The following CDK12 variants were observed in gnomAD, a reference collection of about 807,000 sequenced individuals.
CDK12 encodes the protein cyclin dependent kinase 12.
CDK12 carries 17 observed loss-of-function variants against 133.8 expected under a neutral mutation model. The observed-to-expected ratio is 0.13, with a 90% confidence interval of 0.09 to 0.19. The LOEUF (loss-of-function observed/expected upper bound fraction) is 0.19. CDK12 is among the 10% of genes least tolerant of loss of function. CDK12 has a pLI of 1.00. For missense variants in CDK12, 1,508 were observed against 1,818.7 expected (o/e 0.83, Z 3.11); for synonymous variants, 694 against 683.6 (o/e 1.02, Z -0.24).
chr17:39,480,019 G>A (rs1299168562), intron 2 of CDK12, among the ~76,000 whole-genome samples: 1 of 150,274 alleles, frequency 6.7e-6, no homozygotes, highest in Non-Finnish European at 1.5e-5. Context: ...CACTTCCTGG[G>A]TTCAAGCGAT....
In CDK12 at chr17:39,462,059, CA is replaced by C. The variant is rs758824287; in HGVS notation, c.-12del. 9 of 1,607,242 alleles carry C rather than the reference CA, an allele frequency of 5.6e-6. No homozygotes were observed. Among genetic ancestry groups the C allele is most frequent in the Non-Finnish European group, 6.8e-6 (8 of 1,175,156 alleles). Reference sequence around the variant, plus strand: ...GGGAACTTTTTTCCCTTCTTCAGGTCAGGGGAAAGGGAATGCCCAATTCAGA... The same window carrying C: ...GGGAACTTTTTTCCCTTCTTCAGGTCGGGGAAAGGGAATGCCCAATTCAGA... On this transcript the variant is annotated 5_prime_UTR_variant, in exon 1 of 14. Coordinates refer to ENST00000447079, the MANE Select transcript of CDK12 (RefSeq NM_016507.4).
At chr17:39,463,821 CCTT>C (rs1291174383) in intron 1 of CDK12, among the ~76,000 whole-genome samples, 1 of 151,618 alleles carries the variant, frequency 6.6e-6, no homozygotes, top group Non-Finnish European at 1.5e-5. Context: ...AGTAATAATG[CCTT>C]CTTTATATTT....
intron 6 of CDK12, among the ~76,000 whole-genome samples, chr17:39,509,064 C>T (rs1328107910): frequency 6.6e-6 from 1 of 151,260 alleles, no homozygotes; most frequent in Admixed American, 6.6e-5. Flanking sequence ...ATTCTCAAAG[C>T]CTGATTCTCA....
At chr17:39,512,987 C>T (rs1289938826) in intron 8 of CDK12, among the ~76,000 whole-genome samples, 2 of 152,134 alleles carry the variant, frequency 1.3e-5, no homozygotes, top group African/African-American at 4.8e-5. Flanking sequence ...GGAGCTTATT[C>T]AGGTTATATT....
intron 1 of CDK12, among the ~76,000 whole-genome samples, chr17:39,467,482 T>C (rs771268299): frequency 2.6e-5 from 4 of 152,176 alleles, no homozygotes; most frequent in Non-Finnish European, 4.4e-5. Flanking sequence ...ACTCCTCCGC[T>C]TTTTTCTAGA....
chr17:39,547,628 A>G (rs1378442459), upstream of CDK12: 1 of 152,288 alleles, frequency 6.6e-6, no homozygotes. Context: ...AGCAGAATCA[A>G]CTACTAGGTG....
rs1207247004 is a variant in CDK12 at position 39,481,253 on chromosome 17, C to CA, written c.1932-9293dup. The stretch of plus-strand genomic sequence containing the variant: ...GGGCAACAAGAGCGAAACTCCGTCT[C>CA]AAAAAAAAAAAGAAAAAAAAAAAAG... On this transcript the variant is annotated intron_variant, in intron 2 of 13. Coordinates refer to ENST00000447079, the MANE Select transcript of CDK12 (RefSeq NM_016507.4). Among the ~76,000 whole-genome samples, 228 of 59,634 alleles carry CA rather than the reference C, an allele frequency of 3.8e-3. 2 individuals are homozygous for CA. Among genetic ancestry groups the CA allele is most frequent in the African/African-American group, 0.012 (215 of 17,586 alleles). The allele number at this position is 59,634 out of a possible 152,430, so 39.1% of individuals were successfully genotyped here.
intron 3 of CDK12, among the ~76,000 whole-genome samples, chr17:39,562,911 T>G (rs1304427837): frequency 1.4e-5 from 2 of 147,772 alleles, no homozygotes; most frequent in African/African-American, 4.9e-5. Context: ...TCTTTTTTTT[T>G]TTTTTTTTTT....
In CDK12 at chr17:39,533,216, C is replaced by T. The variant is rs577841051; in HGVS notation, c.*1900C>T. On this transcript the variant is annotated 3_prime_UTR_variant, in exon 14 of 14. Coordinates refer to ENST00000447079, the MANE Select transcript of CDK12 (RefSeq NM_016507.4). ...TTCTCTGGTTTTTGATCTGGCCTTG[C>T]CTCCAGGGCCAAACACTGATTTAGA... is the stretch of plus-strand genomic sequence containing the variant. 6 of 233,000 alleles carry T rather than the reference C, an allele frequency of 2.6e-5. No individual in the cohort carries two copies. Among genetic ancestry groups the T allele is most frequent in the African/African-American group, 1.1e-4 (5 of 45,446 alleles). 14.4% of individuals were successfully genotyped at this position (233,000 alleles called of 1,614,324 possible).
chr17:39,538,909 ATACATACATACATACATAC>A (rs2055275099), downstream of CDK12, among the ~76,000 whole-genome samples: 1 of 141,616 alleles, frequency 7.1e-6, no homozygotes, highest in African/African-American at 3.0e-5. Context: ...AAATAAATAC[ATACATACATACATACATAC>A]ATACATACAT....
At chr17:39,545,649 C>T (rs2055654789), upstream of CDK12, among the ~76,000 whole-genome samples, 1 of 151,984 alleles carries the variant, frequency 6.6e-6, no homozygotes, top group Non-Finnish European at 1.5e-5. Flanking sequence ...CAGGTGCCCG[C>T]CACTACGCCT....
In CDK12 at chr17:39,533,152, G is replaced by A. The variant is rs1598200916; in HGVS notation, c.*1836G>A. ...TTGAAGACTGTTTTCCCCTGTTAAT[G>A]AGATATAGCTAGATATCGGTGTGTG... On this transcript the variant is annotated 3_prime_UTR_variant, in exon 14 of 14. Coordinates refer to ENST00000447079, the MANE Select transcript of CDK12 (RefSeq NM_016507.4). 1 of 232,102 alleles carries A rather than the reference G, an allele frequency of 4.3e-6. No homozygotes were observed. Among genetic ancestry groups the A allele is most frequent in the East Asian group, 6.0e-5 (1 of 16,544 alleles). The allele number at this position is 232,102 out of a possible 1,614,324, so 14.4% of individuals were successfully genotyped here. A position where few individuals can be genotyped will look rare whatever the true frequency, so the allele number is the denominator to read the frequency against.
intron 6 of CDK12, among the ~76,000 whole-genome samples, chr17:39,505,058 G>A (rs1202040488): frequency 4.0e-5 from 6 of 150,858 alleles, no homozygotes; most frequent in Admixed American, 1.3e-4. Flanking sequence ...GTAAAACCCC[G>A]TCTCTACTAA....
At chr17:39,477,636 G>T (rs1193981441) in intron 2 of CDK12, among the ~76,000 whole-genome samples, 1 of 148,410 alleles carries the variant, frequency 6.7e-6, no homozygotes, top group African/African-American at 2.5e-5. Context: ...GCAGTGGCTC[G>T]ATCTTGGCTC....
chr17:39,466,615 G>GAAAAAAAAAAAAAAAAA lies in CDK12; in HGVS notation c.1046+3522_1046+3538dup, dbSNP rs71147339. Among the ~76,000 whole-genome samples, 4 of 31,482 alleles carry GAAAAAAAAAAAAAAAAA rather than the reference G, an allele frequency of 1.3e-4. 1 individual carries two copies. Among genetic ancestry groups the GAAAAAAAAAAAAAAAAA allele is most frequent in the African/African-American group, 3.9e-4 (4 of 10,134 alleles). 20.7% of individuals were successfully genotyped at this position (31,482 alleles called of 152,430 possible). A position where few individuals can be genotyped will look rare whatever the true frequency, so the allele number is the denominator to read the frequency against. The stretch of plus-strand genomic sequence containing the variant: ...GGGCAACAAGAGTGAAACTCTATCT[G>GAAAAAAAAAAAAAAAAA]AAAAAAAAAAAAAAAAAAAAAAAAA... On this transcript the variant is annotated intron_variant, in intron 1 of 13. Coordinates refer to ENST00000447079, the MANE Select transcript of CDK12 (RefSeq NM_016507.4).
chr17:39,482,395 C>T (rs1362081265), intron 2 of CDK12, among the ~76,000 whole-genome samples: 1 of 151,888 alleles, frequency 6.6e-6, no homozygotes, highest in East Asian at 1.9e-4. Context: ...GGCTGTATCT[C>T]TATAAGTTCA....
chr17:39,525,844 G>A lies in CDK12; in HGVS notation c.3308-20G>A. 6.2e-7 allele frequency: 1 copy of A among 1,601,394 alleles called. No homozygotes were observed. On this transcript the variant is annotated intron_variant, in intron 12 of 13. Transcript: ENST00000447079. ...TGGCCTATCTCATCGTCTTATATTG[G>A]CTTCACTGTCTTTCAACAGGCCTTG...
At chr17:39,499,803 C>G (rs62077464) in intron 5 of CDK12, among the ~76,000 whole-genome samples, 92,340 of 152,014 alleles carry the variant, frequency 0.61, 31,728 homozygotes, top group South Asian at 0.89. Flanking sequence ...CATGAGCCAC[C>G]ATGCCTGACC....
chr17:39,529,856 A>G (rs1186188128), intron 13 of CDK12: 2 of 89,720 alleles, frequency 2.2e-5, no homozygotes, highest in Non-Finnish European at 5.9e-5. Flanking sequence ...TGACACTGCT[A>G]TAGTGATTTT....
Sources: gnomAD v4.1 joint callset for allele counts (sites outside exome capture counted in the v4.1 genomes callset) on GRCh38, gnomAD v4.1.1 for gene constraint, MANE v1.5 for transcripts, NCBI Gene and HGNC (gene_info 2026-07-23, HGNC 2026-07-21) for gene names.